The following SEC16B variants were observed in gnomAD, a reference collection of about 807,000 sequenced individuals.
The protein encoded by SEC16B is SEC16 homolog B, endoplasmic reticulum export factor.
Under a neutral mutation model 141.8 loss-of-function variants are expected in SEC16B, and 115 were observed. The observed-to-expected ratio is 0.81, with a 90% confidence interval of 0.70 to 0.95. The LOEUF (loss-of-function observed/expected upper bound fraction) is 0.95, where lower values mean the gene tolerates loss of function less well. Ranked by LOEUF, SEC16B falls within the 40% of genes least tolerant of loss-of-function variation. The pLI is 0.00. For synonymous variants in SEC16B, 493 were observed against 492.5 expected, an observed-to-expected ratio of 1.00 and a Z score of -0.01; for missense variants, 1,291 against 1,312.3, an observed-to-expected ratio of 0.98 and a Z score of 0.25.
At chr1:177,975,657 G>A (rs551257164) in intron 1 of SEC16B, among the ~76,000 whole-genome samples, 49 of 152,304 alleles carry the variant, frequency 3.2e-4, no homozygotes, top group African/African-American at 1.1e-3. Flanking sequence ...TGGGAATGAT[G>A]AGATAATGGC....
At chr1:177,946,232 T>G (rs932846143) in intron 14 of SEC16B, 188 bp downstream of exon 14, 3 of 651,076 alleles carry the variant, frequency 4.6e-6, no homozygotes, top group African/African-American at 1.8e-5. Flanking sequence ...CCCCCGCCAA[T>G]GCTGTAATGT....
chr1:177,948,596 G>C (rs550823401), intron 12 of SEC16B: 150 of 1,303,966 alleles, frequency 1.2e-4, no homozygotes, highest in Middle Eastern at 2.2e-4. Flanking sequence ...ACAAAGCCCC[G>C]CATCAATGGT....
intron 5 of SEC16B, among the ~76,000 whole-genome samples, chr1:177,963,331 G>A (rs545849932): frequency 3.3e-5 from 5 of 151,900 alleles, no homozygotes; most frequent in South Asian, 2.1e-4. Context: ...CTGGCCGAGC[G>A]TGGTGGCTCA....
In SEC16B at chr1:177,956,879, A is replaced by G. The variant is rs151253792; in HGVS notation, c.1365+1253T>C. ...TCTGGCTTAGATGATTTTGTGGGTT[A>G]TGGTAAACATTCTGAGCACATTTGA... On this transcript the variant is annotated intron_variant, in intron 10 of 25. Transcript: ENST00000308284. Among the ~76,000 whole-genome samples the G allele has an allele frequency of 2.7e-3, 415 of 152,286 alleles. 4 individuals are homozygous for G. The highest frequency in any genetic ancestry group is 9.6e-3 in the African/African-American group (401 of 41,572).
Position 177,929,353 on chromosome 1 carries a change from A to G in SEC16B, c.*505T>C, listed in dbSNP as rs1467351124. 1 of 154,350 alleles carries G rather than the reference A, an allele frequency of 6.5e-6. No homozygotes were observed. The highest frequency in any genetic ancestry group is 2.4e-5 in the African/African-American group (1 of 41,472). 9.6% of individuals were successfully genotyped at this position (154,350 alleles called of 1,614,324 possible). On this transcript the variant is annotated 3_prime_UTR_variant, in exon 26 of 26. Coordinates refer to ENST00000308284, the MANE Select transcript of SEC16B (RefSeq NM_033127.4). ...AAATATCATTGAAGAGGAAATTATAAAGGGCAGCAATAATCAAGTTTCAGT... is the reference window on the plus strand; with the variant it reads ...AAATATCATTGAAGAGGAAATTATAGAGGGCAGCAATAATCAAGTTTCAGT...
chr1:177,960,988 C>G, intron 6 of SEC16B, 49 bp from the exon 7 acceptor site: 2 of 1,600,076 alleles, frequency 1.2e-6, no homozygotes, highest in African/African-American at 1.3e-5. Flanking sequence ...ACTTCCATCA[C>G]TTTTCTTTAG....
intron 3 of SEC16B, 141 bp from the exon 4 acceptor site, chr1:177,965,308 G>A (rs894174925): frequency 2.0e-6 from 2 of 1,021,542 alleles, no homozygotes; most frequent in South Asian, 3.3e-5. Context: ...AAATAGATAG[G>A]TGAGAGCTAA....
chr1:177,970,350 G>A (rs1281207541), upstream of SEC16B: 1 of 152,178 alleles, frequency 6.6e-6, no homozygotes, highest in Non-Finnish European at 1.5e-5. Flanking sequence ...TAACCTCTCC[G>A]AGTTTCAGTT....
chr1:177,967,169 A>G (rs1248438115), intron 2 of SEC16B, among the ~76,000 whole-genome samples: 1 of 152,048 alleles, frequency 6.6e-6, no homozygotes, highest in African/African-American at 2.4e-5. Flanking sequence ...TTAAGTTCCC[A>G]TTCATTCAAT....
At position 177,936,285 on chromosome 1, in the gene SEC16B, T is replaced by G; in HGVS notation, c.2571+13A>C. On this transcript the variant is annotated intron_variant, in intron 20 of 25. Transcript: ENST00000308284. ...GAGTGGGCAGTGGCATCTTTTATGCTGTGCGCTCTCACCTGTGGTTTGGAA... is the reference window on the plus strand; with the variant it reads ...GAGTGGGCAGTGGCATCTTTTATGCGGTGCGCTCTCACCTGTGGTTTGGAA... 1 of 1,604,574 alleles carries G rather than the reference T, an allele frequency of 6.2e-7. No individual in the cohort carries two copies. The highest frequency in any genetic ancestry group is 8.5e-7 in the Non-Finnish European group (1 of 1,175,242).
At chr1:177,981,414 GAAC>G (rs1654409365) in intron 1 of SEC16B, among the ~76,000 whole-genome samples, 1 of 152,104 alleles carries the variant, frequency 6.6e-6, no homozygotes, top group Admixed American at 6.5e-5. Context: ...ACTTATGCTT[GAAC>G]TACTGTGAAA....
rs573691195 is a variant in SEC16B at position 177,951,860 on chromosome 1, C to G, written c.1545+54G>C. ...CAGTGCACTCCTGAGCAGTCCCCGCCCCCTCAAGCCCTTGGGATGCCTGGG... is the reference window on the plus strand; with the variant it reads ...CAGTGCACTCCTGAGCAGTCCCCGCGCCCTCAAGCCCTTGGGATGCCTGGG... On this transcript the variant is annotated intron_variant, in intron 12 of 25. Coordinates refer to ENST00000308284, the MANE Select transcript of SEC16B (RefSeq NM_033127.4). 392 of 1,440,972 alleles carry G rather than the reference C, an allele frequency of 2.7e-4. 2 individuals carry two copies. Among genetic ancestry groups the G allele is most frequent in the Non-Finnish European group, 3.7e-4 (383 of 1,044,062 alleles). 89.3% of individuals were successfully genotyped at this position (1,440,972 alleles called of 1,614,324 possible). A position where few individuals can be genotyped will look rare whatever the true frequency, so the allele number is the denominator to read the frequency against.
At chr1:177,964,675 T>C (rs1653366200) in intron 4 of SEC16B, among the ~76,000 whole-genome samples, 4 of 152,300 alleles carry the variant, frequency 2.6e-5, no homozygotes, top group Admixed American at 2.6e-4. Flanking sequence ...GGCTCAGGCG[T>C]AGGCTGAGGA....
chr1:177,960,755 T>C, intron 7 of SEC16B, 36 bp downstream of exon 7: 1 of 1,572,914 alleles, frequency 6.4e-7, no homozygotes, highest in Non-Finnish European at 8.6e-7. Context: ...GGGTAAGCAG[T>C]GTGCCAGCAT....
chr1:177,974,032 A>C (rs1351887127), upstream of SEC16B, among the ~76,000 whole-genome samples: 1 of 152,130 alleles, frequency 6.6e-6, no homozygotes. Context: ...TATAATCAAC[A>C]TGCATTGATG....
chr1:177,947,392 C>T (rs1168463565), intron 13 of SEC16B, among the ~76,000 whole-genome samples: 1 of 152,128 alleles, frequency 6.6e-6, no homozygotes, highest in African/African-American at 2.4e-5. Context: ...TTTACAGCAA[C>T]AGGAGGCAAG....
chr1:177,935,500 G>A (rs1650767204), intron 20 of SEC16B, among the ~76,000 whole-genome samples: 1 of 151,970 alleles, frequency 6.6e-6, no homozygotes, highest in African/African-American at 2.4e-5. Context: ...TGTGTATAAT[G>A]TATATACAGA....
At chr1:177,946,289 C>A (rs1402392662) in intron 14 of SEC16B, 131 bp downstream of exon 14, 2 of 764,978 alleles carry the variant, frequency 2.6e-6, no homozygotes, top group East Asian at 2.7e-5. Flanking sequence ...AGATAACAAT[C>A]CCAAATAAGG....
chr1:177,954,627 T>C (rs1291132934), intron 10 of SEC16B, among the ~76,000 whole-genome samples: 9 of 152,240 alleles, frequency 5.9e-5, no homozygotes, highest in African/African-American at 1.7e-4. Context: ...CCATCAGACA[T>C]GGTTGCCAGT....
Sources: gnomAD v4.1 joint callset for allele counts (sites outside exome capture counted in the v4.1 genomes callset) on GRCh38, gnomAD v4.1.1 for gene constraint, MANE v1.5 for transcripts, NCBI Gene and HGNC (gene_info 2026-07-23, HGNC 2026-07-21) for gene names.